Variants in MBNL2 observed in about 807,000 individuals in gnomAD.
MBNL2 encodes muscleblind-like protein 2.
In MBNL2, 17 loss-of-function variants were observed where a neutral mutation model predicts 41.9. That is an observed-to-expected ratio of 0.41 (90% CI 0.28 to 0.61). The LOEUF is 0.61. MBNL2 is among the 20% of genes least tolerant of loss of function. The probability of loss-of-function intolerance (pLI) is 0.35; values close to 1 mark genes in which losing one functional copy is unlikely to be tolerated. For synonymous variants in MBNL2, 195 were observed against 182.9 expected (o/e 1.07, Z -0.53); for missense variants, 336 against 505.6 (o/e 0.66, Z 3.22).
chr13:97,154,424 C>T, the MBNL2 span, among the ~76,000 whole-genome samples: 1 of 152,112 alleles, frequency 6.6e-6, no homozygotes, highest in African/African-American at 2.4e-5. Context: ...AAGCAATTCT[C>T]CTGCCTCAGC....
chr13:97,237,950 C>T lies in MBNL2; in HGVS notation c.-605+15419C>T, dbSNP rs1240161586. On this transcript the variant is annotated intron_variant, in intron 1 of 8. Coordinates refer to ENST00000679496, the MANE Select transcript of MBNL2 (RefSeq NM_001382683.1). ...CTGTGCTGAGGCCAGGAGCAACTTA[C>T]GAAGAGCATGGGCAGGATTGACTGG... Among the ~76,000 whole-genome samples the T allele has an allele frequency of 4.6e-5, 7 of 152,050 alleles. No individual in the cohort carries two copies. In the South Asian group the frequency reaches 8.3e-4, roughly 18 times the overall value.
At chr13:97,202,511 C>T in the MBNL2 span, among the ~76,000 whole-genome samples, 2 of 152,120 alleles carry the variant, frequency 1.3e-5, no homozygotes, top group South Asian at 2.1e-4. Flanking sequence ...CTAGCACATT[C>T]GTAATCACTC....
At chr13:97,208,692 G>A in the MBNL2 span, among the ~76,000 whole-genome samples, 1 of 152,134 alleles carries the variant, frequency 6.6e-6, no homozygotes, top group African/African-American at 2.4e-5. Context: ...ATTATCCAAA[G>A]GTGAGAAGCT....
chr13:97,258,458 C>A, intron 1 of MBNL2, among the ~76,000 whole-genome samples: 1 of 152,072 alleles, frequency 6.6e-6, no homozygotes, highest in Admixed American at 6.5e-5. Context: ...AACAACAAAA[C>A]AAAATCTTGT....
chr13:97,158,000 A>T, the MBNL2 span, among the ~76,000 whole-genome samples: 1 of 148,874 alleles, frequency 6.7e-6, no homozygotes, highest in Non-Finnish European at 1.5e-5. Flanking sequence ...CTCTGGTAGA[A>T]TTCGGCTGTG....
chr13:97,347,531 C>T (rs887998201), intron 5 of MBNL2, among the ~76,000 whole-genome samples: 1 of 152,222 alleles, frequency 6.6e-6, no homozygotes, highest in African/African-American at 2.4e-5. Flanking sequence ...TTTGGCTTTT[C>T]GCTACTCCCA....
At chr13:97,219,898 T>G (rs1197807020), upstream of MBNL2, among the ~76,000 whole-genome samples, 1 of 152,202 alleles carries the variant, frequency 6.6e-6, no homozygotes, top group African/African-American at 2.4e-5. Flanking sequence ...ATCATCATGA[T>G]AAAAGATACC....
the MBNL2 span, among the ~76,000 whole-genome samples, chr13:97,148,543 G>T: frequency 1.6e-4 from 24 of 152,188 alleles, no homozygotes; most frequent in East Asian, 4.4e-3. Context: ...ATCAGGGGAG[G>T]CTATTCATGA....
intron 1 of MBNL2, among the ~76,000 whole-genome samples, chr13:97,269,667 G>T (rs899666570): frequency 3.3e-5 from 5 of 152,152 alleles, no homozygotes; most frequent in Non-Finnish European, 7.3e-5. Flanking sequence ...GAAGAAAGCG[G>T]GCTTAAGGTT....
chr13:97,193,436 G>A, the MBNL2 span, among the ~76,000 whole-genome samples: 1 of 152,206 alleles, frequency 6.6e-6, no homozygotes, highest in African/African-American at 2.4e-5. Flanking sequence ...TGAGATTAAA[G>A]TTGACAAATG....
intron 8 of MBNL2, among the ~76,000 whole-genome samples, chr13:97,377,092 G>A (rs1019167364): frequency 3.9e-5 from 6 of 152,176 alleles, no homozygotes; most frequent in Non-Finnish European, 4.4e-5. Flanking sequence ...CCCACCACGT[G>A]CCAGACACTG....
rs1445127203 is a variant in MBNL2, at chr13:97,232,888, T to TGTGTGCGC, written c.-605+10360_-605+10361insTGCGCGTG. On this transcript the variant is annotated intron_variant, in intron 1 of 8. Transcript: ENST00000679496. ...GTGTGTGTGTGTGTGTGTGTGTGTGTGTGCGCACGTACACTGAATGAACTT... is the reference window on the plus strand; with the variant it reads ...GTGTGTGTGTGTGTGTGTGTGTGTGTGTGTGCGCGTGCGCACGTACACTGAATGAACTT... Among the ~76,000 whole-genome samples the TGTGTGCGC allele has an allele frequency of 2.7e-5, 4 of 146,302 alleles. No homozygotes were observed. In the South Asian group the frequency reaches 6.5e-4, roughly 24 times the overall value.
At position 97,273,332 on chromosome 13, in the gene MBNL2, T is replaced by G. The variant is rs2051480485; in HGVS notation, c.-604-2300T>G. Among the ~76,000 whole-genome samples the G allele has an allele frequency of 2.0e-5, 3 of 152,238 alleles. No individual in the cohort carries two copies. In the South Asian group the frequency reaches 6.2e-4, roughly 32 times the overall value. On this transcript the variant is annotated intron_variant, in intron 1 of 8. Transcript: ENST00000679496. ...TGCTTTCCTCATCCTTTGTTCTCCA[T>G]GGGAGCTAGAGGTGCAGGTTGAGGT...
intron 1 of MBNL2, among the ~76,000 whole-genome samples, chr13:97,232,341 G>A (rs2042500113): frequency 6.6e-6 from 1 of 152,174 alleles, no homozygotes; most frequent in Admixed American, 6.5e-5. Flanking sequence ...TCCACACACA[G>A]ATGGCCGGTA....
the MBNL2 span, among the ~76,000 whole-genome samples, chr13:97,170,128 G>A: frequency 1.1e-4 from 16 of 152,176 alleles, no homozygotes; most frequent in South Asian, 1.7e-3. Flanking sequence ...AGTTTTTTGT[G>A]ACTAGAATGT....
intron 8 of MBNL2, among the ~76,000 whole-genome samples, chr13:97,385,705 A>G (rs1456030821): frequency 6.6e-6 from 1 of 152,230 alleles, no homozygotes; most frequent in Non-Finnish European, 1.5e-5. Flanking sequence ...AAAGTTATAC[A>G]TACGTACAAT....
At chr13:97,164,196 C>T in the MBNL2 span, among the ~76,000 whole-genome samples, 8 of 152,028 alleles carry the variant, frequency 5.3e-5, no homozygotes, top group African/African-American at 1.4e-4. Context: ...TTATTAGAGA[C>T]GGGGTTTCGC....
chr13:97,367,958 G>A (rs945885259), intron 8 of MBNL2, among the ~76,000 whole-genome samples: 8 of 152,176 alleles, frequency 5.3e-5, no homozygotes, highest in African/African-American at 1.9e-4. Context: ...GAGTGAGACT[G>A]TTTGCATCTT....
rs2066389483 is a variant in MBNL2, at chr13:97,391,357, T to C, written c.1084T>C (p.Cys362Arg). 6.3e-7 allele frequency: 1 copy of C among 1,575,034 alleles called. No homozygotes were observed. The highest frequency in any genetic ancestry group is 8.7e-7 in the Non-Finnish European group (1 of 1,144,840). ...AATAATCAGCAGAAACGGAATGGAATGCCAAGAATCTGCATTGAGAATAAC... is the reference window on the plus strand; with the variant it reads ...AATAATCAGCAGAAACGGAATGGAACGCCAAGAATCTGCATTGAGAATAAC... ...SEIISRNGME[C>R]QESALRITKH... Residue 362 changes from cysteine to arginine, a missense_variant, in exon 9 of 9, where the codon TGC becomes CGC. Cys to Arg is a radical substitution (Grantham distance 180). Coordinates refer to ENST00000679496, the MANE Select transcript of MBNL2 (RefSeq NM_001382683.1).
Sources: allele counts gnomAD v4.1 joint callset (sites outside exome capture counted in the v4.1 genomes callset), GRCh38; gene constraint gnomAD v4.1.1; transcripts MANE v1.5; gene names NCBI Gene and HGNC (gene_info 2026-07-23, HGNC 2026-07-21).